The following TRPM3 variants were observed in gnomAD, a reference collection of about 807,000 sequenced individuals.
The protein encoded by TRPM3 is transient receptor potential cation channel subfamily M member 3.
In TRPM3, 77 loss-of-function variants were observed where a neutral mutation model predicts 181.2. The observed-to-expected ratio is 0.42, with a 90% confidence interval of 0.35 to 0.51. The LOEUF is 0.51. Among genes scored for constraint, TRPM3 ranks in the 20% least tolerant of loss-of-function variants. The probability of loss-of-function intolerance (pLI) is 0.01; values close to 1 mark genes in which losing one functional copy is unlikely to be tolerated. For missense variants in TRPM3, 1,759 were observed against 2,196.7 expected, an observed-to-expected ratio of 0.80 and a Z score of 3.98; for synonymous variants, 745 against 796.4, an observed-to-expected ratio of 0.94 and a Z score of 1.09.
At chr9:70,998,174 C>CAT (rs1018302549) in intron 1 of TRPM3, among the ~76,000 whole-genome samples, 1 of 142,982 alleles carries the variant, frequency 7.0e-6, no homozygotes, top group South Asian at 2.2e-4. Flanking sequence ...CATATATACA[C>CAT]ATATATATAC....
At chr9:71,313,025 G>T (rs771499621) in intron 1 of TRPM3, among the ~76,000 whole-genome samples, 1 of 152,036 alleles carries the variant, frequency 6.6e-6, no homozygotes, top group Non-Finnish European at 1.5e-5. Flanking sequence ...CACCAAGAGT[G>T]AACCCTAATA....
intron 6 of TRPM3, among the ~76,000 whole-genome samples, chr9:70,806,426 C>T (rs2090693627): frequency 1.3e-5 from 2 of 152,182 alleles, no homozygotes; most frequent in South Asian, 4.1e-4. Context: ...GGGACGGTGG[C>T]TCACGCCTGT....
At chr9:70,943,298 CA>C (rs2096903005) in intron 1 of TRPM3, among the ~76,000 whole-genome samples, 1 of 152,190 alleles carries the variant, frequency 6.6e-6, no homozygotes, top group Non-Finnish European at 1.5e-5. Flanking sequence ...TAAAAACTCT[CA>C]AAACTTGGCT....
chr9:71,162,070 T>C (rs2076297262), intron 1 of TRPM3, among the ~76,000 whole-genome samples: 1 of 151,086 alleles, frequency 6.6e-6, no homozygotes. Flanking sequence ...TGTGGTGGTG[T>C]GTTTCTGTAA....
At chr9:70,920,291 A>G (rs2096641859) in intron 1 of TRPM3, among the ~76,000 whole-genome samples, 1 of 152,146 alleles carries the variant, frequency 6.6e-6, no homozygotes, top group African/African-American at 2.4e-5. Flanking sequence ...ACTCCTCACA[A>G]TGTCTGTGTG....
intron 6 of TRPM3, among the ~76,000 whole-genome samples, chr9:70,821,440 A>T (rs506067): frequency 0.62 from 93,895 of 152,004 alleles, 29,223 homozygotes; most frequent in Middle Eastern, 0.74. Context: ...AATTCTTATC[A>T]GGATACATAG....
intron 1 of TRPM3, among the ~76,000 whole-genome samples, chr9:71,086,660 A>G (rs1225803821): frequency 1.3e-5 from 2 of 151,958 alleles, no homozygotes; most frequent in African/African-American, 4.8e-5. Context: ...TTGCAGTGCA[A>G]ACTTTCTATG....
chr9:70,983,333 A>T (rs1220073535), intron 1 of TRPM3, among the ~76,000 whole-genome samples: 1 of 151,958 alleles, frequency 6.6e-6, no homozygotes, highest in Non-Finnish European at 1.5e-5. Flanking sequence ...CTCACTTTTT[A>T]CTACTTTATC....
chr9:71,368,802 C>T (rs2092421670), intron 1 of TRPM3, among the ~76,000 whole-genome samples: 1 of 152,070 alleles, frequency 6.6e-6, no homozygotes, highest in South Asian at 2.1e-4. Context: ...AACAATTAGA[C>T]AAACACTAAT....
chr9:70,761,790 T>G, intron 7 of TRPM3, 66 bp from the exon 8 acceptor site: 1 of 1,541,772 alleles, frequency 6.5e-7, no homozygotes, highest in Non-Finnish European at 8.7e-7. Context: ...TTCTGAGAAA[T>G]ACAGAGCTCA....
At chr9:70,658,208 G>A (rs922750679) in intron 9 of TRPM3, among the ~76,000 whole-genome samples, 2 of 152,086 alleles carry the variant, frequency 1.3e-5, no homozygotes, top group African/African-American at 4.8e-5. Context: ...AAAGAATGAA[G>A]GTTATAACCT....
intron 1 of TRPM3, among the ~76,000 whole-genome samples, chr9:70,882,517 T>C (rs915774149): frequency 1.3e-5 from 2 of 152,142 alleles, no homozygotes; most frequent in African/African-American, 4.8e-5. Context: ...ATGGTTTTTG[T>C]TTTTTTCAAG....
chr9:71,058,029 G>T (rs1591051825), intron 1 of TRPM3, among the ~76,000 whole-genome samples: 1 of 152,032 alleles, frequency 6.6e-6, no homozygotes, highest in Admixed American at 6.5e-5. Context: ...ACATTATCTT[G>T]TGTGTTATCA....
intron 1 of TRPM3, among the ~76,000 whole-genome samples, chr9:70,978,950 T>C (rs3010438): frequency 0.68 from 103,555 of 152,006 alleles, 35,408 homozygotes; most frequent in South Asian, 0.74. Context: ...ATTTTATTTG[T>C]TTCCCAGGGA....
At chr9:71,008,695 A>C (rs1408423486) in intron 1 of TRPM3, among the ~76,000 whole-genome samples, 1 of 152,174 alleles carries the variant, frequency 6.6e-6, no homozygotes, top group Non-Finnish European at 1.5e-5. Flanking sequence ...ATACAAAAAA[A>C]TTAGCTGGGC....
At chr9:71,417,557 A>C (rs185500060) in intron 1 of TRPM3, among the ~76,000 whole-genome samples, 11 of 152,162 alleles carry the variant, frequency 7.2e-5, no homozygotes, top group Admixed American at 7.2e-4. Context: ...CTGGTCTTCC[A>C]AAATATTATC....
chr9:70,588,464 TAA>T (rs552506348), intron 22 of TRPM3, among the ~76,000 whole-genome samples: 15 of 138,232 alleles, frequency 1.1e-4, no homozygotes, highest in Non-Finnish European at 7.9e-5. Flanking sequence ...AATTCTGAAG[TAA>T]AAAAAAAAAA....
At chr9:71,416,399 A>G (rs2093637629) in intron 1 of TRPM3, among the ~76,000 whole-genome samples, 1 of 151,894 alleles carries the variant, frequency 6.6e-6, no homozygotes. Flanking sequence ...TGCTGTTTTA[A>G]TGTTTTTCCC....
intron 1 of TRPM3, among the ~76,000 whole-genome samples, chr9:70,867,753 T>C (rs2095683027): frequency 6.6e-6 from 1 of 152,110 alleles, no homozygotes. Context: ...AATTACTATA[T>C]TGTGAGCTTC....
Sources: gnomAD v4.1 joint callset for allele counts (sites outside exome capture counted in the v4.1 genomes callset) on GRCh38, gnomAD v4.1.1 for gene constraint, MANE v1.5 for transcripts, NCBI Gene and HGNC (gene_info 2026-07-23, HGNC 2026-07-21) for gene names.